ZNF875: variants seen among roughly 807,000 people sequenced by gnomAD.
ZNF875 encodes the protein zinc finger protein 875.
In ZNF875, 14 loss-of-function variants were observed where a neutral mutation model predicts 11.2. That is an observed-to-expected ratio of 1.26 (90% confidence interval 0.83 to 1.96). The LOEUF is 1.96. ZNF875 is among the 30% of genes most tolerant of loss of function. The pLI, the probability that ZNF875 is intolerant of heterozygous loss-of-function variation, is 0.00. For synonymous variants in ZNF875, 301 were observed against 281.1 expected, an observed-to-expected ratio of 1.07 and a Z score of -0.71; for missense variants, 752 against 760.4, an observed-to-expected ratio of 0.99 and a Z score of 0.13.
At chr19:37,319,198 C>T (rs1216592024) in intron 1 of ZNF875, among the ~76,000 whole-genome samples, 1 of 151,382 alleles carries the variant, frequency 6.6e-6, no homozygotes, top group Non-Finnish European at 1.5e-5. Context: ...AGGCATGCAC[C>T]ATCATGCCTG....
intron 1 of ZNF875, among the ~76,000 whole-genome samples, chr19:37,319,197 C>T (rs1299488431): frequency 2.0e-5 from 3 of 151,382 alleles, no homozygotes; most frequent in Non-Finnish European, 4.4e-5. Context: ...TAGGCATGCA[C>T]CATCATGCCT....
rs764796757 is a variant in ZNF875, at chr19:37,363,046, G to GT, written c.1195dup (p.Cys399LeufsTer2). On this transcript the variant is annotated frameshift_variant, in exon 5 of 5. Coordinates refer to ENST00000392153, the MANE Select transcript of ZNF875 (RefSeq NM_001353803.2). LOFTEE classifies it low-confidence loss of function (END_TRUNC). ...GAGAGAAGCCTTACATTTGCAGGGA[G>GT]TGTGAGCAAGGCTTTAGCCAGAAGT... 2 of 1,614,094 alleles carry GT rather than the reference G, an allele frequency of 1.2e-6. No individual in the cohort carries two copies.
chr19:37,332,287 T>A (rs2145847443), upstream of ZNF875, among the ~76,000 whole-genome samples: 1 of 151,246 alleles, frequency 6.6e-6, no homozygotes, highest in South Asian at 2.1e-4. Flanking sequence ...CTCTATACTT[T>A]GTCTCTGTGT....
In ZNF875 at chr19:37,340,443, C is replaced by G. The variant is rs1247910464; in HGVS notation, c.33+5186C>G. 2.6e-5 allele frequency among the ~76,000 whole-genome samples: 4 copies of G among 152,188 alleles called. No homozygotes were observed. In the South Asian group the frequency reaches 8.3e-4, roughly 32 times the overall value. Reference sequence around the variant, plus strand: ...TGTTGACATGGTCCTTTGCCACCCACTACATGTTTCTGTAATCCTCGTTTT... The same window carrying G: ...TGTTGACATGGTCCTTTGCCACCCAGTACATGTTTCTGTAATCCTCGTTTT... On this transcript the variant is annotated intron_variant, in intron 2 of 4. Coordinates refer to ENST00000392153, the MANE Select transcript of ZNF875 (RefSeq NM_001353803.2).
intron 2 of ZNF875, among the ~76,000 whole-genome samples, chr19:37,343,758 T>C (rs2036236866): frequency 6.6e-6 from 1 of 152,126 alleles, no homozygotes; most frequent in Admixed American, 6.6e-5. Context: ...AGCCCAGGGT[T>C]AATTTAGGAG....
intron 4 of ZNF875, among the ~76,000 whole-genome samples, chr19:37,324,487 T>C (rs1201567047): frequency 6.6e-6 from 1 of 152,178 alleles, no homozygotes; most frequent in Non-Finnish European, 1.5e-5. Flanking sequence ...TATTCCAGAT[T>C]CCCTGAGTAG....
At chr19:37,348,780 G>A (rs1198637491) in intron 4 of ZNF875, among the ~76,000 whole-genome samples, 5 of 152,208 alleles carry the variant, frequency 3.3e-5, no homozygotes, top group Admixed American at 1.3e-4. Context: ...ATAAGCACCC[G>A]TTTATCTAGG....
chr19:37,354,215 T>C (rs2038452867), intron 4 of ZNF875, among the ~76,000 whole-genome samples: 1 of 145,050 alleles, frequency 6.9e-6, no homozygotes, highest in African/African-American at 2.6e-5. Flanking sequence ...CAGTTGTTTT[T>C]TTCTTTCCCC....
chr19:37,360,961 A>T (rs2039799065), intron 4 of ZNF875, among the ~76,000 whole-genome samples: 1 of 151,758 alleles, frequency 6.6e-6, no homozygotes, highest in Non-Finnish European at 1.5e-5. Flanking sequence ...ATCTTATATG[A>T]CCTAAGTACA....
intron 2 of ZNF875, among the ~76,000 whole-genome samples, chr19:37,340,604 G>T (rs1235729348): frequency 6.7e-6 from 1 of 149,424 alleles, no homozygotes. Flanking sequence ...CAGTCTGAAA[G>T]TGTGTTTATT....
chr19:37,348,542 T>G (rs1363162420), intron 4 of ZNF875, among the ~76,000 whole-genome samples: 1 of 152,244 alleles, frequency 6.6e-6, no homozygotes, highest in African/African-American at 2.4e-5. Context: ...CATCATATTA[T>G]GTATGTATTT....
intron 4 of ZNF875, among the ~76,000 whole-genome samples, 162 bp downstream of exon 4, chr19:37,348,034 G>C (rs1388780939): frequency 6.6e-6 from 1 of 152,054 alleles, no homozygotes; most frequent in Non-Finnish European, 1.5e-5. Flanking sequence ...CTTCAGTTGA[G>C]GGAGGGACTT....
At position 37,362,011 on chromosome 19, in the gene ZNF875, G is replaced by A. The variant is rs2040019717; in HGVS notation, c.257-98G>A. 3 of 722,818 alleles carry A rather than the reference G, an allele frequency of 4.2e-6. No individual in the cohort carries two copies. The South Asian group carries it at 5.2e-5, about 13-fold the overall frequency. 44.8% of individuals were successfully genotyped at this position (722,818 alleles called of 1,614,324 possible). A position where few individuals can be genotyped will look rare whatever the true frequency, so the allele number is the denominator to read the frequency against. On this transcript the variant is annotated intron_variant, in intron 4 of 4. Coordinates refer to ENST00000392153, the MANE Select transcript of ZNF875 (RefSeq NM_001353803.2). ...GTCTAACTGGGAGATAGCTTGTGAT[G>A]TAAATATGTAAATATATTATGAATG...
intron 1 of ZNF875, among the ~76,000 whole-genome samples, chr19:37,321,370 A>G (rs2031407579): frequency 6.6e-6 from 1 of 152,146 alleles, no homozygotes; most frequent in South Asian, 2.1e-4. Context: ...GTGCACATCA[A>G]AGCACAGCAC....
chr19:37,326,512 A>T (rs2032463310), intron 4 of ZNF875, among the ~76,000 whole-genome samples: 1 of 151,900 alleles, frequency 6.6e-6, no homozygotes. Flanking sequence ...TTTTCCCATA[A>T]CATGTGACGT....
chr19:37,327,158 A>G (rs371265802), intron 4 of ZNF875, among the ~76,000 whole-genome samples: 1 of 151,562 alleles, frequency 6.6e-6, no homozygotes. Context: ...ATGCCCAGCT[A>G]ATTTTTGTAT....
upstream of ZNF875, among the ~76,000 whole-genome samples, chr19:37,332,955 CT>C (rs2033632306): frequency 6.6e-6 from 1 of 152,174 alleles, no homozygotes. Context: ...GCACACAGCA[CT>C]GAGTAACTAT....
chr19:37,355,759 T>C (rs2038796526), intron 4 of ZNF875, among the ~76,000 whole-genome samples: 1 of 152,236 alleles, frequency 6.6e-6, no homozygotes, highest in East Asian at 1.9e-4. Context: ...TTTCTCTGTC[T>C]TTTATAACAT....
At chr19:37,327,103 C>G (rs113419632) in intron 4 of ZNF875, among the ~76,000 whole-genome samples, 1,887 of 152,092 alleles carry the variant, frequency 0.012, 38 homozygotes, top group East Asian at 0.054. Context: ...GCAGTTCTCC[C>G]TGCCTCAGCC....
Sources: allele counts gnomAD v4.1 joint callset (sites outside exome capture counted in the v4.1 genomes callset), GRCh38; gene constraint gnomAD v4.1.1; transcripts MANE v1.5; gene names NCBI Gene and HGNC (gene_info 2026-07-23, HGNC 2026-07-21).